The following LRP1B variants were observed in gnomAD, a reference collection of about 807,000 sequenced individuals.
The protein encoded by LRP1B is low-density lipoprotein receptor-related protein 1B.
Under a neutral mutation model 556.6 loss-of-function variants are expected in LRP1B, and 217 were observed. That is an observed-to-expected ratio of 0.39 (90% CI 0.35 to 0.44). LRP1B has a LOEUF of 0.44. LRP1B is among the 20% of genes least tolerant of loss of function. The probability of loss-of-function intolerance (pLI) is 1.00; values close to 1 mark genes in which losing one functional copy is unlikely to be tolerated. For synonymous variants in LRP1B, 2,047 were observed against 1,865.8 expected, an observed-to-expected ratio of 1.10 and a Z score of -2.50; for missense variants, 5,053 against 5,620.8, an observed-to-expected ratio of 0.90 and a Z score of 3.23.
chr2:141,190,812 C>G (rs1681471199), intron 6 of LRP1B, among the ~76,000 whole-genome samples: 1 of 151,962 alleles, frequency 6.6e-6, no homozygotes, highest in Non-Finnish European at 1.5e-5. Context: ...TATGAACAGT[C>G]TACTCCACAA....
At chr2:140,902,627 C>A (rs554615306) in intron 23 of LRP1B, among the ~76,000 whole-genome samples, 1 of 152,146 alleles carries the variant, frequency 6.6e-6, no homozygotes, top group East Asian at 1.9e-4. Flanking sequence ...CACAGAGAAA[C>A]AAAGCAACTG....
At chr2:141,406,835 G>C (rs547366379) in intron 3 of LRP1B, among the ~76,000 whole-genome samples, 1 of 152,096 alleles carries the variant, frequency 6.6e-6, no homozygotes, top group African/African-American at 2.4e-5. Context: ...TTAAATATTT[G>C]TTCAGATATT....
intron 1 of LRP1B, among the ~76,000 whole-genome samples, chr2:141,911,016 G>A (rs577134456): frequency 3.6e-4 from 54 of 151,910 alleles, no homozygotes; most frequent in Middle Eastern, 3.4e-3. Context: ...ACGTATACAG[G>A]TACATATACA....
chr2:141,659,702 T>C (rs1378171293), intron 2 of LRP1B, among the ~76,000 whole-genome samples: 68 of 152,024 alleles, frequency 4.5e-4, no homozygotes, highest in Non-Finnish European at 2.9e-5. Context: ...AGGCATATAT[T>C]TGAGAGTCAT....
At chr2:141,464,606 A>ATATATATATATATATATATT in intron 3 of LRP1B, among the ~76,000 whole-genome samples, 30 of 90,534 alleles carry the variant, frequency 3.3e-4, no homozygotes, top group Non-Finnish European at 4.7e-4. Flanking sequence ...ATATATATAT[A>ATATATATATATATATATATT]TTTTTTTAGT....
intron 7 of LRP1B, among the ~76,000 whole-genome samples, chr2:141,173,383 A>T (rs941948250): frequency 6.6e-6 from 1 of 152,026 alleles, no homozygotes; most frequent in Non-Finnish European, 1.5e-5. Flanking sequence ...CATAAACTTG[A>T]CTATGTTCAG....
At position 140,957,872 on chromosome 2, in the gene LRP1B, A is replaced by G. The variant is rs1573921460; in HGVS notation, c.2888-5932T>C. On this transcript the variant is annotated intron_variant, in intron 18 of 90. Transcript: ENST00000389484. The stretch of plus-strand genomic sequence containing the variant: ...TAAGTACAAGGGTGAGTTAGATAAT[A>G]TCTCCTCCTAGTAGAAAGAGATATC... Among the ~76,000 whole-genome samples, 4 of 151,662 alleles carry G rather than the reference A, an allele frequency of 2.6e-5. 1 individual carries two copies. The highest frequency in any genetic ancestry group is 2.6e-4 in the Admixed American group (4 of 15,168).
intron 3 of LRP1B, among the ~76,000 whole-genome samples, chr2:141,438,207 A>C (rs913244459): frequency 1.3e-5 from 2 of 152,048 alleles, no homozygotes; most frequent in African/African-American, 4.8e-5. Flanking sequence ...TTGATTACGG[A>C]GTCTGTTCAT....
intron 3 of LRP1B, among the ~76,000 whole-genome samples, chr2:141,263,099 T>C (rs1194186118): frequency 1.3e-5 from 2 of 152,172 alleles, no homozygotes; most frequent in East Asian, 1.9e-4. Context: ...CTTCTACATA[T>C]GTTGTTCAAT....
chr2:141,605,050 GAACGT>G (rs1687865682), intron 2 of LRP1B, among the ~76,000 whole-genome samples: 2 of 151,920 alleles, frequency 1.3e-5, no homozygotes, highest in Non-Finnish European at 2.9e-5. Context: ...GCCCGGGTGG[GAACGT>G]TGCCAGCCAG....
chr2:141,052,464 A>G (rs1395138166), intron 10 of LRP1B, among the ~76,000 whole-genome samples: 1 of 152,040 alleles, frequency 6.6e-6, no homozygotes, highest in East Asian at 1.9e-4. Flanking sequence ...TAGAGAAGCA[A>G]CATAATATAG....
intron 71 of LRP1B, among the ~76,000 whole-genome samples, chr2:140,370,164 C>T (rs1352148189): frequency 6.6e-6 from 1 of 151,810 alleles, no homozygotes; most frequent in Non-Finnish European, 1.5e-5. Context: ...TAATATATGA[C>T]AAAAAGGAAA....
At chr2:141,841,870 T>C (rs896143469) in intron 1 of LRP1B, among the ~76,000 whole-genome samples, 9 of 152,196 alleles carry the variant, frequency 5.9e-5, no homozygotes, top group Non-Finnish European at 2.9e-5. Context: ...ATAATAAAGA[T>C]ATGTTTGTGA....
chr2:140,450,751 C>G (rs1686852373), intron 62 of LRP1B, 90 bp from the exon 63 acceptor site: 2 of 798,924 alleles, frequency 2.5e-6, no homozygotes, highest in Admixed American at 5.2e-5. Flanking sequence ...GCCTAGTCTA[C>G]TTTTTTGCTG....
At chr2:140,317,037 A>C (rs1558795746) in intron 82 of LRP1B, among the ~76,000 whole-genome samples, 1 of 152,168 alleles carries the variant, frequency 6.6e-6, no homozygotes, top group Non-Finnish European at 1.5e-5. Context: ...CCATCTAGGC[A>C]GACCTATGGG....
At chr2:141,682,926 G>A (rs1490520946) in intron 2 of LRP1B, among the ~76,000 whole-genome samples, 1 of 152,098 alleles carries the variant, frequency 6.6e-6, no homozygotes, top group South Asian at 2.1e-4. Context: ...TCAGTGTTTG[G>A]TGCATAGCAT....
intron 43 of LRP1B, among the ~76,000 whole-genome samples, chr2:140,563,756 GT>G (rs1445207016): frequency 6.6e-6 from 1 of 152,166 alleles, no homozygotes; most frequent in Non-Finnish European, 1.5e-5. Context: ...ATTCAGAGGA[GT>G]TTTAAAGCTA....
Position 140,475,183 on chromosome 2 carries a change from T to C in LRP1B, c.9580A>G (p.Asn3194Asp). 1 of 1,606,202 alleles carries C rather than the reference T, an allele frequency of 6.2e-7. No individual in the cohort carries two copies. The change falls in exon 60 of 91, where the codon AAT becomes GAT. Residue 3194 changes from asparagine (N) to aspartate (D), a missense_variant. Coordinates refer to ENST00000389484, the MANE Select transcript of LRP1B (RefSeq NM_018557.3). ...VNRRLYWADE[N>D]HIEFSNMDGS... ...TCCATGTTGCTAAATTCAATGTGATTTTCATCGGCCCAGTAGAGTCTACGA... is the reference window on the plus strand; with the variant it reads ...TCCATGTTGCTAAATTCAATGTGATCTTCATCGGCCCAGTAGAGTCTACGA...
At chr2:140,583,518 CCTCT>C (rs1301040590) in intron 43 of LRP1B, among the ~76,000 whole-genome samples, 2 of 151,874 alleles carry the variant, frequency 1.3e-5, no homozygotes, top group Admixed American at 1.3e-4. Flanking sequence ...GTTTTTCTTC[CCTCT>C]AAGATACGTC....
Sources: gnomAD v4.1 joint callset for allele counts (sites outside exome capture counted in the v4.1 genomes callset) on GRCh38, gnomAD v4.1.1 for gene constraint, MANE v1.5 for transcripts, NCBI Gene and HGNC (gene_info 2026-07-23, HGNC 2026-07-21) for gene names.